Variants in HHAT observed in about 807,000 individuals in gnomAD.
HHAT encodes the protein protein-cysteine N-palmitoyltransferase HHAT.
Under a neutral mutation model 70.8 loss-of-function variants are expected in HHAT, and 47 were observed. The ratio of observed to expected loss-of-function variants is 0.66; its 90% confidence interval spans 0.53 to 0.85. The LOEUF (loss-of-function observed/expected upper bound fraction) is 0.85, where lower values mean the gene tolerates loss of function less well. HHAT is among the 40% of genes least tolerant of loss of function. The pLI is 0.00. For missense variants in HHAT, 609 were observed against 604.8 expected, an observed-to-expected ratio of 1.01 and a Z score of -0.07; for synonymous variants, 228 against 247.6, an observed-to-expected ratio of 0.92 and a Z score of 0.74.
intron 11 of HHAT, among the ~76,000 whole-genome samples, chr1:210,632,400 G>C (rs1671048850): frequency 6.6e-6 from 1 of 152,196 alleles, no homozygotes; most frequent in Non-Finnish European, 1.5e-5. Flanking sequence ...TCTTTGTCTT[G>C]AGGAGGTGAT....
chr1:210,524,845 A>G lies in HHAT; in HGVS notation c.1043+11657A>G, dbSNP rs947058510. 1.3e-4 allele frequency among the ~76,000 whole-genome samples: 20 copies of G among 152,174 alleles called. No homozygotes were observed. The East Asian group carries it at 1.7e-3, about 13-fold the overall frequency. On this transcript the variant is annotated intron_variant, in intron 9 of 11. Transcript: ENST00000261458. ...TGTAAAAGCTTCTCTGTGTTGAGCA[A>G]CAATAGACCTAAAATACCTCTTAAT...
intron 11 of HHAT, 108 bp downstream of exon 11, chr1:210,623,778 G>T: frequency 2.5e-6 from 3 of 1,183,166 alleles, no homozygotes; most frequent in Non-Finnish European, 3.6e-6. Flanking sequence ...TCATTGTTAT[G>T]TTCATGGCAT....
At chr1:210,349,154 T>C in intron 2 of HHAT, 88 bp downstream of exon 2, 2 of 1,354,884 alleles carry the variant, frequency 1.5e-6, no homozygotes, top group East Asian at 2.3e-5. Flanking sequence ...AAGAAGATGA[T>C]CCAATAGTGT....
At chr1:210,374,181 A>C (rs185180505) in intron 3 of HHAT, 1 of 152,332 alleles carries the variant, frequency 6.6e-6, no homozygotes, top group East Asian at 1.9e-4. Context: ...GGCTTACAAA[A>C]AATTAGCTTA....
chr1:210,354,020 CT>C (rs1310051367), intron 2 of HHAT, among the ~76,000 whole-genome samples: 1 of 152,022 alleles, frequency 6.6e-6, no homozygotes, highest in Non-Finnish European at 1.5e-5. Context: ...TTTTCAGGTG[CT>C]TAATAGATGA....
At chr1:210,394,645 A>G (rs1383700651) in intron 4 of HHAT, among the ~76,000 whole-genome samples, 1 of 152,186 alleles carries the variant, frequency 6.6e-6, no homozygotes, top group Non-Finnish European at 1.5e-5. Context: ...GGGAGAACCC[A>G]CATCATTAGC....
chr1:210,347,057 ACTTTT>A (rs2086583187), intron 1 of HHAT, among the ~76,000 whole-genome samples: 1 of 152,226 alleles, frequency 6.6e-6, no homozygotes, highest in Non-Finnish European at 1.5e-5. Flanking sequence ...TACTCTTAGC[ACTTTT>A]CAAGAATATA....
intron 7 of HHAT, among the ~76,000 whole-genome samples, chr1:210,428,868 C>T (rs939681109): frequency 1.3e-5 from 2 of 151,540 alleles, no homozygotes; most frequent in African/African-American, 4.9e-5. Context: ...GCCAGCTACT[C>T]AGGAGGCTGA....
At chr1:210,346,566 G>A (rs1571760555) in intron 1 of HHAT, among the ~76,000 whole-genome samples, 1 of 152,236 alleles carries the variant, frequency 6.6e-6, no homozygotes, top group African/African-American at 2.4e-5. Context: ...GTGTTTTAAA[G>A]CATGAATGAT....
At chr1:210,459,636 T>C (rs1406694119) in intron 7 of HHAT, among the ~76,000 whole-genome samples, 2 of 152,208 alleles carry the variant, frequency 1.3e-5, no homozygotes, top group Non-Finnish European at 2.9e-5. Context: ...AAGTTTTTGC[T>C]CAAATGTTCT....
intron 9 of HHAT, among the ~76,000 whole-genome samples, chr1:210,572,341 C>G (rs1656507128): frequency 6.6e-6 from 1 of 152,156 alleles, no homozygotes; most frequent in South Asian, 2.1e-4. Flanking sequence ...AAAATCACAT[C>G]AGTTTCAAAG....
Position 210,349,247 on chromosome 1 carries a change from T to C in HHAT, c.91+181T>C, listed in dbSNP as rs78654777. Among the ~76,000 whole-genome samples, 27 of 152,330 alleles carry C rather than the reference T, an allele frequency of 1.8e-4. No homozygotes were observed. The East Asian group carries it at 5.2e-3, about 29-fold the overall frequency. On this transcript the variant is annotated intron_variant, in intron 2 of 11. Coordinates refer to ENST00000261458, the MANE Select transcript of HHAT (RefSeq NM_018194.6). ...CCTGAGTCCATTGAGTTTTCTACCC[T>C]AAACCTAGGTCTTTTAGGTGATGCT...
chr1:210,533,116 A>C (rs1268845951), intron 9 of HHAT, among the ~76,000 whole-genome samples: 1 of 152,180 alleles, frequency 6.6e-6, no homozygotes, highest in African/African-American at 2.4e-5. Flanking sequence ...ACTTTGTTCA[A>C]TATAAATGTC....
At chr1:210,626,707 C>T (rs12057303) in intron 11 of HHAT, among the ~76,000 whole-genome samples, 6,854 of 152,046 alleles carry the variant, frequency 0.045, 254 homozygotes, top group African/African-American at 0.098. Context: ...ACTAATTTGA[C>T]TTGATAGAAG....
intron 7 of HHAT, among the ~76,000 whole-genome samples, chr1:210,424,421 CTTTAGGTTT>C (rs1360364913): frequency 7.0e-6 from 1 of 143,676 alleles, no homozygotes; most frequent in Non-Finnish European, 1.5e-5. Flanking sequence ...TTGGTAGAGT[CTTTAGGTTT>C]TTTTTCTTTT....
At chr1:210,478,139 A>G (rs2094333957) in intron 8 of HHAT, among the ~76,000 whole-genome samples, 1 of 152,156 alleles carries the variant, frequency 6.6e-6, no homozygotes, top group South Asian at 2.1e-4. Flanking sequence ...TTTGAGACAG[A>G]TGTATTTCCT....
rs75014564 is a variant in HHAT, at chr1:210,383,825, C to T, written c.160-3643C>T. On this transcript the variant is annotated intron_variant, in intron 3 of 11. Coordinates refer to ENST00000261458, the MANE Select transcript of HHAT (RefSeq NM_018194.6). ...AGCTACTTTAAAGATTGTTATGAGG[C>T]TGTAATTAGAAAACACATACTCGAG... is the stretch of plus-strand genomic sequence containing the variant. Among the ~76,000 whole-genome samples the T allele has an allele frequency of 3.7e-3, 568 of 152,274 alleles. 6 individuals carry two copies. Among genetic ancestry groups the T allele is most frequent in the African/African-American group, 0.013 (522 of 41,556 alleles).
intron 11 of HHAT, among the ~76,000 whole-genome samples, chr1:210,673,957 C>CCT (rs1424260430): frequency 2.8e-5 from 4 of 141,508 alleles, no homozygotes; most frequent in African/African-American, 1.0e-4. Flanking sequence ...TGCCCTATTT[C>CCT]TTTTTTTTTT....
chr1:210,426,250 C>A (rs192042399), intron 7 of HHAT, among the ~76,000 whole-genome samples: 8 of 152,126 alleles, frequency 5.3e-5, no homozygotes, highest in Non-Finnish European at 1.2e-4. Context: ...TGGGCTGAGA[C>A]GATGGCATTT....
Sources: allele counts gnomAD v4.1 joint callset (sites outside exome capture counted in the v4.1 genomes callset), GRCh38; gene constraint gnomAD v4.1.1; transcripts MANE v1.5; gene names NCBI Gene and HGNC (gene_info 2026-07-23, HGNC 2026-07-21).